The following KLHL42 variants were observed in gnomAD, a reference collection of about 807,000 sequenced individuals.
KLHL42 encodes kelch-like protein 42.
A neutral mutation model predicts 32.7 loss-of-function variants in KLHL42; 27 were observed. The observed-to-expected ratio is 0.83, with a 90% CI of 0.61 to 1.14. The LOEUF (loss-of-function observed/expected upper bound fraction) is 1.14, where lower values mean the gene tolerates loss of function less well. Among genes scored for constraint, KLHL42 ranks in the 50% most tolerant of loss-of-function variants. The pLI is 0.00. For synonymous variants in KLHL42, 267 were observed against 248.2 expected (o/e 1.08, Z -0.71); for missense variants, 491 against 560.8 (o/e 0.88, Z 1.26).
rs1236527904 is a variant in KLHL42, at chr12:27,802,083, A to C, written c.*3917A>C. 1 of 152,254 alleles carries C rather than the reference A, an allele frequency of 6.6e-6. No homozygotes were observed. The highest frequency in any genetic ancestry group is 2.1e-4 in the South Asian group (1 of 4,824). The allele number at this position is 152,254 out of a possible 1,614,324, so 9.4% of individuals were successfully genotyped here. A position where few individuals can be genotyped will look rare whatever the true frequency, so the allele number is the denominator to read the frequency against. On this transcript the variant is annotated 3_prime_UTR_variant, in exon 3 of 3. Transcript: ENST00000381271. ...GATTTACTAACAATCATCACGAACCAGTTTTGTTTTTCTTTTAAATTTGAA... is the reference window on the plus strand; with the variant it reads ...GATTTACTAACAATCATCACGAACCCGTTTTGTTTTTCTTTTAAATTTGAA...
chr12:27,791,631 C>G, intron 1 of KLHL42, 77 bp from the exon 2 acceptor site: 1 of 1,243,840 alleles, frequency 8.0e-7, no homozygotes, highest in Non-Finnish European at 1.2e-6. Context: ...TCAGGAGAGT[C>G]TAGTAGTTCA....
At position 27,802,348 on chromosome 12, in the gene KLHL42, C is replaced by T. The variant is rs1194299286; in HGVS notation, c.*4182C>T. On this transcript the variant is annotated 3_prime_UTR_variant, in exon 3 of 3. Coordinates refer to ENST00000381271, the MANE Select transcript of KLHL42 (RefSeq NM_020782.2). Reference sequence around the variant, plus strand: ...CAAGCTGATTGCATGTGCATTTATACCTATGCCTTTAAAACATTCCCATAA... The same window carrying T: ...CAAGCTGATTGCATGTGCATTTATATCTATGCCTTTAAAACATTCCCATAA... 2 of 152,256 alleles carry T rather than the reference C, an allele frequency of 1.3e-5. No individual in the cohort carries two copies. The highest frequency in any genetic ancestry group is 2.1e-4 in the South Asian group (1 of 4,820). 9.4% of individuals were successfully genotyped at this position (152,256 alleles called of 1,614,324 possible). A position where few individuals can be genotyped will look rare whatever the true frequency, so the allele number is the denominator to read the frequency against.
rs1221689003 is a variant in KLHL42, at chr12:27,802,454, G to A, written c.*4288G>A. On this transcript the variant is annotated 3_prime_UTR_variant, in exon 3 of 3. Coordinates refer to ENST00000381271, the MANE Select transcript of KLHL42 (RefSeq NM_020782.2). ...ATTTTGCCTTGTGATAATTATCAAA[G>A]GATAGTTTTTCATCCTTAGATTTTA... The A allele has an allele frequency of 6.6e-6, 1 of 152,538 alleles. No homozygotes were observed. The highest frequency in any genetic ancestry group is 1.5e-5 in the Non-Finnish European group (1 of 68,048). The allele number at this position is 152,538 out of a possible 1,614,324, so 9.4% of individuals were successfully genotyped here. A position where few individuals can be genotyped will look rare whatever the true frequency, so the allele number is the denominator to read the frequency against.
chr12:27,796,407 G>C (rs2062218811), intron 2 of KLHL42, among the ~76,000 whole-genome samples: 1 of 152,136 alleles, frequency 6.6e-6, no homozygotes. Context: ...AAGCTGAGCT[G>C]TCTCCTTCAT....
intron 1 of KLHL42, among the ~76,000 whole-genome samples, chr12:27,787,399 G>C (rs923447980): frequency 6.6e-6 from 1 of 151,618 alleles, no homozygotes; most frequent in African/African-American, 2.4e-5. Context: ...AGAGGCCGAG[G>C]CAGGAAAATC....
intron 2 of KLHL42, among the ~76,000 whole-genome samples, chr12:27,793,105 A>T (rs2062204299): frequency 6.6e-6 from 1 of 152,136 alleles, no homozygotes; most frequent in African/African-American, 2.4e-5. Flanking sequence ...GGTTACAGTG[A>T]TAGAGAACAA....
At chr12:27,784,773 T>C (rs1445703737) in intron 1 of KLHL42, among the ~76,000 whole-genome samples, 1 of 152,210 alleles carries the variant, frequency 6.6e-6, no homozygotes, top group Non-Finnish European at 1.5e-5. Context: ...TATTATCATC[T>C]TTTTTTCCCC....
intron 1 of KLHL42, among the ~76,000 whole-genome samples, chr12:27,782,958 T>C (rs868016740): frequency 9.4e-4 from 143 of 152,288 alleles, no homozygotes; most frequent in African/African-American, 3.3e-3. Context: ...GTAAATTATA[T>C]GTATACTTGT....
At chr12:27,794,912 G>T (rs958182789) in intron 2 of KLHL42, among the ~76,000 whole-genome samples, 15 of 133,198 alleles carry the variant, frequency 1.1e-4, no homozygotes, top group Non-Finnish European at 3.3e-5. Flanking sequence ...ACATATAATT[G>T]AAAAAAAAAA....
chr12:27,780,741 G>T lies in KLHL42; in HGVS notation c.411G>T (p.Ala137=). The T allele has an allele frequency of 6.2e-7, 1 of 1,613,370 alleles. No homozygotes were observed. The highest frequency in any genetic ancestry group is 8.5e-7 in the Non-Finnish European group (1 of 1,180,002). The change falls in exon 1 of 3, where the codon GCG becomes GCT. Residue 137 remains alanine, a synonymous_variant. Transcript: ENST00000381271. The surrounding 1 kb of genome is among the most constrained non-coding windows in gnomAD (Gnocchi z 8.8). ...ACTGCCTGGAGATGTACCGCCTGGC[G>T]CAGGTGTACGGGCTGCCCGACCTGC... ...LNNCLEMYRL[A]QVYGLPDLQE...
intron 1 of KLHL42, among the ~76,000 whole-genome samples, chr12:27,788,973 A>G (rs975194548): frequency 6.6e-6 from 1 of 152,216 alleles, no homozygotes; most frequent in African/African-American, 2.4e-5. Context: ...ACCATTCAGG[A>G]GGTGAAGAGT....
At position 27,798,019 on chromosome 12, in the gene KLHL42, C is replaced by T. The variant is rs1372628210; in HGVS notation, c.1371C>T (p.Asp457=). The T allele has an allele frequency of 5.1e-6, 4 of 780,954 alleles. No homozygotes were observed. The highest frequency in any genetic ancestry group is 3.4e-5 in the African/African-American group (2 of 59,132). 48.4% of individuals were successfully genotyped at this position (780,954 alleles called of 1,614,324 possible). ...HNDGIYIMSR[D]VTLSTSLEHR... The stretch of plus-strand genomic sequence containing the variant: ...ACGGCATCTACATCATGAGCAGAGA[C>T]GTCACCCTGTCGACCAGCTTGGAAC... Residue 457 remains aspartate (D), a synonymous_variant, in exon 3 of 3, where the codon GAC becomes GAT. Coordinates refer to ENST00000381271, the MANE Select transcript of KLHL42 (RefSeq NM_020782.2).
At chr12:27,791,407 A>G (rs1046163924) in intron 1 of KLHL42, among the ~76,000 whole-genome samples, 1 of 152,214 alleles carries the variant, frequency 6.6e-6, no homozygotes, top group Non-Finnish European at 1.5e-5. Context: ...TGTGGAGTTT[A>G]GTGTATACAC....
intron 2 of KLHL42, chr12:27,792,259 G>C (rs2062200842): frequency 5.6e-6 from 1 of 177,278 alleles, no homozygotes; most frequent in Non-Finnish European, 1.2e-5. Flanking sequence ...GCTCTTTGGA[G>C]AAGATTATCT....
At chr12:27,792,605 T>C (rs1418060917) in intron 2 of KLHL42, among the ~76,000 whole-genome samples, 3 of 152,100 alleles carry the variant, frequency 2.0e-5, no homozygotes, top group Admixed American at 2.0e-4. Flanking sequence ...CTCACTGCAA[T>C]CTCTGCCTCC....
At chr12:27,793,100 C>G (rs534389343) in intron 2 of KLHL42, among the ~76,000 whole-genome samples, 1 of 152,134 alleles carries the variant, frequency 6.6e-6, no homozygotes, top group African/African-American at 2.4e-5. Flanking sequence ...TCTCAGGTTA[C>G]AGTGATAGAG....
intron 1 of KLHL42, among the ~76,000 whole-genome samples, chr12:27,783,301 G>C (rs1004190715): frequency 2.0e-5 from 3 of 152,028 alleles, no homozygotes; most frequent in Non-Finnish European, 2.9e-5. Flanking sequence ...TTGCAGTCTC[G>C]GGGTGGCAGA....
rs755742953 is a variant in KLHL42, at chr12:27,798,487, A to ATT, written c.*321_*322insTT. On this transcript the variant is annotated 3_prime_UTR_variant, in exon 3 of 3. Transcript: ENST00000381271. ...TGTGTGGTAAAGGGCCAAAGTCAAT[A>ATT]ATTGGGACAAATGGTAAAGATGATT... 527 of 266,152 alleles carry ATT rather than the reference A, an allele frequency of 2.0e-3. 4 individuals are homozygous for ATT. The highest frequency in any genetic ancestry group is 2.6e-3 in the South Asian group (45 of 17,326). The allele number at this position is 266,152 out of a possible 1,614,324, so 16.5% of individuals were successfully genotyped here.
Position 27,797,801 on chromosome 12 carries a change from C to T in KLHL42, c.1153C>T (p.Gln385Ter). 1.3e-6 allele frequency: 1 copy of T among 768,412 alleles called. No individual in the cohort carries two copies. The highest frequency in any genetic ancestry group is 1.4e-5 in the South Asian group (1 of 73,470). 47.6% of individuals were successfully genotyped at this position (768,412 alleles called of 1,614,324 possible). ...ATGTGACGTCCACATTCGCAAGCAGCAGATGGTGTCTGTGGAAGAGACCAT... is the reference window on the plus strand; with the variant it reads ...ATGTGACGTCCACATTCGCAAGCAGTAGATGGTGTCTGTGGAAGAGACCAT... ...ETCDVHIRKQ[Q>*]MVSVEETIYI... The change falls in exon 3 of 3, where the codon CAG becomes TAG. Residue 385 changes from glutamine to a stop codon, truncating the protein, a stop_gained. Transcript: ENST00000381271. LOFTEE classifies it high-confidence loss of function.
Sources: allele counts gnomAD v4.1 joint callset (sites outside exome capture counted in the v4.1 genomes callset), GRCh38; gene constraint gnomAD v4.1.1; non-coding constraint Gnocchi (gnomAD v3.1); transcripts MANE v1.5; gene names NCBI Gene and HGNC (gene_info 2026-07-23, HGNC 2026-07-21).